The following TSPAN4 variants were observed in gnomAD, a reference collection of about 807,000 sequenced individuals.
TSPAN4 encodes the protein tetraspanin 4, also known as tetraspanin-4.
In TSPAN4, 38 loss-of-function variants were observed where a neutral mutation model predicts 31.5. The observed-to-expected ratio is 1.21, with a 90% confidence interval of 0.93 to 1.58. TSPAN4 has a LOEUF of 1.58. TSPAN4 is among the 40% of genes most tolerant of loss of function. TSPAN4 has a pLI of 0.00. For missense variants in TSPAN4, 330 were observed against 317.3 expected (o/e 1.04, Z -0.30); for synonymous variants, 186 against 144.6 (o/e 1.29, Z -2.06).
rs1409551662 is a variant in TSPAN4 at position 867,023 on chromosome 11, T to C, written c.*393T>C. 5.3e-6 allele frequency: 1 copy of C among 187,262 alleles called. No homozygotes were observed. The highest frequency in any genetic ancestry group is 2.3e-5 in the African/African-American group (1 of 42,584). The allele number at this position is 187,262 out of a possible 1,614,324, so 11.6% of individuals were successfully genotyped here. A position where few individuals can be genotyped will look rare whatever the true frequency, so the allele number is the denominator to read the frequency against. On this transcript the variant is annotated 3_prime_UTR_variant, in exon 9 of 9. Transcript: ENST00000397397. ...CTGGAGGTGGCCCCACTGGTCCTGG[T>C]GCTCCAGGCGGGGCCGTGGACCCCT...
chr11:854,359 C>T (rs745659207), intron 3 of TSPAN4, among the ~76,000 whole-genome samples: 3 of 152,188 alleles, frequency 2.0e-5, no homozygotes, highest in South Asian at 2.1e-4. Context: ...CAGTGCGGGA[C>T]GCCGGGCAGG....
At position 862,615 on chromosome 11, in the gene TSPAN4, G is replaced by C; in HGVS notation, c.129G>C (p.Thr43=). The change falls in exon 4 of 9, where the codon ACG becomes ACC. Residue 43 remains threonine (T), a synonymous_variant. Coordinates refer to ENST00000397397, the MANE Select transcript of TSPAN4 (RefSeq NM_003271.5). ...WLAATQGSFA[T]LSSSFPSLSA... is the part of the protein sequence containing the mutation. Reference sequence around the variant, plus strand: ...CCGCCACACAGGGGAGCTTCGCCACGCTGTCCTCTTCCTTCCCGTCCCTGT... The same window carrying C: ...CCGCCACACAGGGGAGCTTCGCCACCCTGTCCTCTTCCTTCCCGTCCCTGT... The C allele has an allele frequency of 6.2e-7, 1 of 1,613,128 alleles. No individual in the cohort carries two copies. The highest frequency in any genetic ancestry group is 8.5e-7 in the Non-Finnish European group (1 of 1,179,834).
rs754991131 is a variant in TSPAN4, at chr11:866,631, G to A, written c.*1G>A. On this transcript the variant is annotated 3_prime_UTR_variant, in exon 9 of 9. Coordinates refer to ENST00000397397, the MANE Select transcript of TSPAN4 (RefSeq NM_003271.5). ...CAAGGCAGACACCTACTGCGCGTAG[G>A]CCGCCCACCGCCCGCTTCTCTGCCA... The A allele has an allele frequency of 1.9e-5, 30 of 1,611,104 alleles. No homozygotes were observed. Among genetic ancestry groups the A allele is most frequent in the East Asian group, 1.6e-4 (7 of 44,748 alleles).
intron 4 of TSPAN4, chr11:863,172 G>A (rs562385040): frequency 4.3e-5 from 7 of 161,340 alleles, no homozygotes; most frequent in Middle Eastern, 3.0e-3. Context: ...CCCTGGGACC[G>A]GCTGCTGGGA....
At chr11:849,180 G>A (rs1847482924) in intron 2 of TSPAN4, among the ~76,000 whole-genome samples, 1 of 151,866 alleles carries the variant, frequency 6.6e-6, no homozygotes, top group South Asian at 2.1e-4. Context: ...CTCTGGGTCT[G>A]TCCTGGGGCT....
chr11:850,058 G>T (rs1847574276), intron 2 of TSPAN4: 2 of 330,464 alleles, frequency 6.1e-6, no homozygotes, highest in Admixed American at 5.1e-5. Context: ...ACGAGTCCAC[G>T]TACCGGCGCA....
intron 3 of TSPAN4, 121 bp downstream of exon 3, chr11:850,488 T>C: frequency 1.2e-6 from 1 of 866,970 alleles, no homozygotes; most frequent in Non-Finnish European, 1.8e-6. Flanking sequence ...GTTGTGGGGA[T>C]GGTCCCGGGA....
At chr11:849,995 G>T (rs1286386637) in intron 2 of TSPAN4, 1 of 174,058 alleles carries the variant, frequency 5.7e-6, no homozygotes. Flanking sequence ...CGGGTGCGGG[G>T]CGCTGAGCGG....
rs749795522 is a variant in TSPAN4, at chr11:850,312, G to C, written c.8G>C (p.Arg3Pro). MA[R>P]ACLQAVKYLM... ...GAACTGAAGCGCTGCGGCATGGCGC[G>C]CGCCTGCCTCCAGGCCGTCAAGTAC... is the stretch of plus-strand genomic sequence containing the variant. The change falls in exon 3 of 9, where the codon CGC becomes CCC. Residue 3 changes from arginine (R) to proline (P), a missense_variant. Transcript: ENST00000397397. The C allele has an allele frequency of 1.2e-6, 2 of 1,606,498 alleles. No homozygotes were observed. Among genetic ancestry groups the C allele is most frequent in the East Asian group, 2.2e-5 (1 of 44,728 alleles).
chr11:846,576 C>T (rs1422110210), intron 1 of TSPAN4, among the ~76,000 whole-genome samples: 1 of 152,124 alleles, frequency 6.6e-6, no homozygotes, highest in African/African-American at 2.4e-5. Flanking sequence ...GGGTTTGGGG[C>T]CTCTCCCTGG....
chr11:864,476 A>G lies in TSPAN4; in HGVS notation c.295A>G (p.Thr99Ala). ...GCTGCTGGTGTTCCTGCTGGAGGCC[A>G]CCATCGCCATCCTCTTCTTCGCCTA... is the stretch of plus-strand genomic sequence containing the variant. ...LLLLVFLLEA[T>A]IAILFFAYTD... Residue 99 changes from threonine to alanine, a missense_variant, in exon 5 of 9, where the codon ACC becomes GCC. Transcript: ENST00000397397. The G allele has an allele frequency of 6.2e-7, 1 of 1,612,734 alleles. No homozygotes were observed. The highest frequency in any genetic ancestry group is 8.5e-7 in the Non-Finnish European group (1 of 1,179,926).
At chr11:865,645 G>A (rs763588301) in intron 6 of TSPAN4, 31 bp downstream of exon 6, 28 of 1,612,216 alleles carry the variant, frequency 1.7e-5, no homozygotes, top group East Asian at 2.2e-5. Context: ...CGGGGTCGGC[G>A]GGTGCCCCCT....
rs372246187 is a variant in TSPAN4 at position 858,618 on chromosome 11, G to A, written c.64-3932G>A. 1.1e-4 allele frequency: 14 copies of A among 129,016 alleles called. No homozygotes were observed. The East Asian group carries it at 1.9e-3, about 18-fold the overall frequency. 8.0% of individuals were successfully genotyped at this position (129,016 alleles called of 1,614,324 possible). A position where few individuals can be genotyped will look rare whatever the true frequency, so the allele number is the denominator to read the frequency against. On this transcript the variant is annotated intron_variant, in intron 3 of 8. Transcript: ENST00000397397. ...TGCTCACACGCACTTCGGCTCACAC[G>A]CACTCCGGCCCACACGCACCCCGCT...
At chr11:852,832 A>C (rs1847830099) in intron 3 of TSPAN4, among the ~76,000 whole-genome samples, 1 of 152,118 alleles carries the variant, frequency 6.6e-6, no homozygotes, top group African/African-American at 2.4e-5. Flanking sequence ...GGCGAAGTTC[A>C]GGGGTTAAGG....
chr11:865,839 C>T lies in TSPAN4; in HGVS notation c.564+14C>T. ...TGGTGGAAGGCGGTGAGTGAGACCC[C>T]CACCCTGGGGGCTGGTAGGGGCCTA... is the stretch of plus-strand genomic sequence containing the variant. On this transcript the variant is annotated intron_variant, in intron 7 of 8. Coordinates refer to ENST00000397397, the MANE Select transcript of TSPAN4 (RefSeq NM_003271.5). 3 of 1,612,206 alleles carry T rather than the reference C, an allele frequency of 1.9e-6. No homozygotes were observed. The highest frequency in any genetic ancestry group is 2.5e-6 in the Non-Finnish European group (3 of 1,179,662).
In TSPAN4 at chr11:864,622, G is replaced by A. The variant is rs545586050; in HGVS notation, c.330+111G>A. ...AGAGTGGCCCTGCATGTGCCCTCAC[G>A]GGCAGCCAGGACAGCGGGTGTGGAT... On this transcript the variant is annotated intron_variant, in intron 5 of 8. Transcript: ENST00000397397. The A allele has an allele frequency of 9.5e-6, 13 of 1,368,220 alleles. No homozygotes were observed. The East Asian group carries it at 1.2e-4, about 12-fold the overall frequency. 84.8% of individuals were successfully genotyped at this position (1,368,220 alleles called of 1,614,324 possible).
At position 865,274 on chromosome 11, in the gene TSPAN4, C is replaced by A. The variant is rs941121109; in HGVS notation, c.331-239C>A. ...AGGCACCTGTGTCCCTGTCCTCTGT[C>A]CCCCCAGGACCCATGGTCCTCCCCC... is the stretch of plus-strand genomic sequence containing the variant. On this transcript the variant is annotated intron_variant, in intron 5 of 8. Coordinates refer to ENST00000397397, the MANE Select transcript of TSPAN4 (RefSeq NM_003271.5). 9.1e-6 allele frequency: 5 copies of A among 552,432 alleles called. No individual in the cohort carries two copies. In the Admixed American group the frequency reaches 1.3e-4, roughly 14 times the overall value. 34.2% of individuals were successfully genotyped at this position (552,432 alleles called of 1,614,324 possible). A position where few individuals can be genotyped will look rare whatever the true frequency, so the allele number is the denominator to read the frequency against.
rs890170292 is a variant in TSPAN4, at chr11:866,893, T to C, written c.*263T>C. On this transcript the variant is annotated 3_prime_UTR_variant, in exon 9 of 9. Transcript: ENST00000397397. ...GGGGTGGGAGGGGCCTCCAGCACTT[T>C]TTATATTTACGTATTCTCCAAAGCA... 12 of 461,042 alleles carry C rather than the reference T, an allele frequency of 2.6e-5. No individual in the cohort carries two copies. The highest frequency in any genetic ancestry group is 1.8e-4 in the African/African-American group (9 of 49,836). The allele number at this position is 461,042 out of a possible 1,614,324, so 28.6% of individuals were successfully genotyped here.
At position 848,438 on chromosome 11, in the gene TSPAN4, C is replaced by A. The variant is rs1359338283; in HGVS notation, c.-18+1138C>A. On this transcript the variant is annotated intron_variant, in intron 2 of 8. Transcript: ENST00000397397. The surrounding 1 kb of genome is among the most constrained non-coding windows in gnomAD (Gnocchi z 5.7). Reference sequence around the variant, plus strand: ...GCGAGGACCTGGGCATGGGGTGCTGCCCTGGGGCTTGGGCTGCAGTTCTCT... The same window carrying A: ...GCGAGGACCTGGGCATGGGGTGCTGACCTGGGGCTTGGGCTGCAGTTCTCT... Among the ~76,000 whole-genome samples the A allele has an allele frequency of 2.0e-5, 3 of 152,072 alleles. No individual in the cohort carries two copies. The highest frequency in any genetic ancestry group is 2.9e-5 in the Non-Finnish European group (2 of 67,982).
Sources: allele counts gnomAD v4.1 joint callset (sites outside exome capture counted in the v4.1 genomes callset), GRCh38; gene constraint gnomAD v4.1.1; non-coding constraint Gnocchi (gnomAD v3.1); transcripts MANE v1.5; gene names NCBI Gene and HGNC (gene_info 2026-07-23, HGNC 2026-07-21).